The following TOMM70 variants were observed in gnomAD, a reference collection of about 807,000 sequenced individuals.
The protein encoded by TOMM70 is translocase of outer mitochondrial membrane 70.
A neutral mutation model predicts 73.6 loss-of-function variants in TOMM70; 13 were observed. The ratio of observed to expected loss-of-function variants is 0.18; its 90% CI spans 0.11 to 0.28. The LOEUF (loss-of-function observed/expected upper bound fraction) is 0.28, where lower values mean the gene tolerates loss of function less well. TOMM70 is among the 10% of genes least tolerant of loss of function. The probability of loss-of-function intolerance (pLI) is 1.00; values close to 1 mark genes in which losing one functional copy is unlikely to be tolerated. For missense variants in TOMM70, 609 were observed against 747.5 expected (o/e 0.81, Z 2.16); for synonymous variants, 257 against 271.2 (o/e 0.95, Z 0.51).
At chr3:100,378,673 G>A (rs1341011960) in intron 5 of TOMM70, among the ~76,000 whole-genome samples, 1 of 152,182 alleles carries the variant, frequency 6.6e-6, no homozygotes, top group Non-Finnish European at 1.5e-5. Flanking sequence ...TAGAGTCACA[G>A]AAGCTAAGGC....
rs182486501 is a variant in TOMM70, at chr3:100,391,135, C to T, written c.325-4157G>A. Among the ~76,000 whole-genome samples, 1,168 of 151,142 alleles carry T rather than the reference C, an allele frequency of 7.7e-3. 39 individuals are homozygous for T. The highest frequency in any genetic ancestry group is 0.044 in the Admixed American group (674 of 15,214). ...CATCCTGGGCAACAGAGTAAGACTC[C>T]GTCTCAAAAAAAAAAGTATAGCAAA... On this transcript the variant is annotated intron_variant, in intron 1 of 11. Transcript: ENST00000284320.
At chr3:100,380,375 A>C (rs535188833) in intron 5 of TOMM70, among the ~76,000 whole-genome samples, 1 of 152,130 alleles carries the variant, frequency 6.6e-6, no homozygotes, top group South Asian at 2.1e-4. Context: ...AAACACAAAC[A>C]ATGATTAAAT....
At chr3:100,384,350 G>C in intron 4 of TOMM70, 129 bp downstream of exon 4, 1 of 558,984 alleles carries the variant, frequency 1.8e-6, no homozygotes, top group Non-Finnish European at 3.1e-6. Flanking sequence ...ACAGGAAGAA[G>C]AAATATAACC....
intron 1 of TOMM70, among the ~76,000 whole-genome samples, chr3:100,389,819 A>ATT (rs1706738684): frequency 1.3e-5 from 2 of 152,086 alleles, no homozygotes; most frequent in Admixed American, 1.3e-4. Flanking sequence ...AGGCGGGTGG[A>ATT]TTACCTCAGG....
intron 1 of TOMM70, among the ~76,000 whole-genome samples, chr3:100,389,333 A>C (rs753671018): frequency 5.9e-5 from 9 of 152,254 alleles, no homozygotes; most frequent in Admixed American, 1.3e-4. Flanking sequence ...ATAAACCCCC[A>C]AATAGGGAAA....
At chr3:100,375,809 C>T (rs921681474) in intron 6 of TOMM70, among the ~76,000 whole-genome samples, 2 of 152,112 alleles carry the variant, frequency 1.3e-5, no homozygotes, top group African/African-American at 4.8e-5. Context: ...GCTGGGATTA[C>T]AGGTGTGAGC....
chr3:100,374,269 C>T (rs570839981), intron 7 of TOMM70, among the ~76,000 whole-genome samples: 1 of 152,302 alleles, frequency 6.6e-6, no homozygotes, highest in South Asian at 2.1e-4. Flanking sequence ...TTAGGAGCAA[C>T]AGGCTACAAC....
At chr3:100,378,875 C>T (rs1196315329) in intron 5 of TOMM70, among the ~76,000 whole-genome samples, 2 of 151,976 alleles carry the variant, frequency 1.3e-5, no homozygotes, top group East Asian at 3.9e-4. Flanking sequence ...GGCGTGGTGG[C>T]GGGTGCCTAT....
At chr3:100,379,735 G>A (rs1706608876) in intron 5 of TOMM70, among the ~76,000 whole-genome samples, 1 of 152,058 alleles carries the variant, frequency 6.6e-6, no homozygotes, top group Non-Finnish European at 1.5e-5. Context: ...TCCCACCTCA[G>A]CCTCCCCAGT....
chr3:100,392,264 C>A (rs1706771918), intron 1 of TOMM70, among the ~76,000 whole-genome samples: 1 of 151,976 alleles, frequency 6.6e-6, no homozygotes. Context: ...AGCCAACAAG[C>A]AGAAAATTAT....
In TOMM70 at chr3:100,400,681, G is replaced by A; in HGVS notation, c.269C>T (p.Ala90Val). ...NSERKTPEGRASPAPGSGHPE... is the reference protein window; with the variant it reads ...NSERKTPEGRVSPAPGSGHPE... ...GTGTCCGCTGCCCGGGGCCGGACTG[G>A]CCCTGCCCTCCGGGGTCTTCCGTTC... is the stretch of plus-strand genomic sequence containing the variant. The change falls in exon 1 of 12, where the codon GCC becomes GTC. Residue 90 changes from alanine (A) to valine (V), a missense_variant. Ala to Val is a moderately conservative substitution (Grantham distance 64, BLOSUM62 0). Coordinates refer to ENST00000284320, the MANE Select transcript of TOMM70 (RefSeq NM_014820.5). 1 of 1,612,198 alleles carries A rather than the reference G, an allele frequency of 6.2e-7. No homozygotes were observed. Among genetic ancestry groups the A allele is most frequent in the East Asian group, 2.2e-5 (1 of 44,824 alleles).
chr3:100,400,460 ACT>A (rs1706881920), intron 1 of TOMM70, among the ~76,000 whole-genome samples, 164 bp downstream of exon 1: 1 of 152,150 alleles, frequency 6.6e-6, no homozygotes, highest in Admixed American at 6.5e-5. Context: ...TCATCGAGCT[ACT>A]CTATGCCCTC....
Position 100,365,715 on chromosome 3 carries a change from C to T in TOMM70, c.1676G>A (p.Gly559Glu). The change falls in exon 12 of 12, where the codon GGA (glycine) becomes GAA (glutamate). Residue 559 changes from glycine (G) to glutamate (E), a missense_variant and splice_region_variant. Physicochemically the swap from Gly to Glu is moderately conservative, Grantham distance 98. This residue lies in a region of TOMM70 where 432 missense variants were observed against 584.1 expected (regional missense o/e 0.74). Transcript: ENST00000284320. ...ETMGTIEVQR[G>E]NMEKAIDMFN... ...CATGTCAATGGCTTTCTCCATGTTT[C>T]CTCTAAAAGAACAAAATTTTTAAGT... 6.2e-7 allele frequency: 1 copy of T among 1,613,846 alleles called. No individual in the cohort carries two copies.
intron 4 of TOMM70, 106 bp downstream of exon 4, chr3:100,384,373 C>T (rs1449576230): frequency 8.4e-5 from 56 of 669,488 alleles, no homozygotes; most frequent in East Asian, 2.7e-5. Context: ...GTTCTAATTG[C>T]AGTTGTTGCC....
chr3:100,395,246 G>A (rs1706809841), intron 1 of TOMM70, among the ~76,000 whole-genome samples: 3 of 152,146 alleles, frequency 2.0e-5, no homozygotes, highest in African/African-American at 7.2e-5. Flanking sequence ...GCACTCGCCT[G>A]TAATCCCAGC....
At chr3:100,376,494 G>A (rs1266085872) in intron 6 of TOMM70, among the ~76,000 whole-genome samples, 1 of 151,008 alleles carries the variant, frequency 6.6e-6, no homozygotes, top group East Asian at 2.0e-4. Context: ...CTCCTGAGTA[G>A]CTATGACTAC....
rs58081220 is a variant in TOMM70, at chr3:100,373,142, T to TAA, written c.1335+394_1335+395dup. Among the ~76,000 whole-genome samples the TAA allele has an allele frequency of 8.3e-3, 1,116 of 135,052 alleles. 13 individuals are homozygous for TAA. The highest frequency in any genetic ancestry group is 0.027 in the African/African-American group (1,041 of 38,110). 88.6% of individuals were successfully genotyped at this position (135,052 alleles called of 152,430 possible). The stretch of plus-strand genomic sequence containing the variant: ...TTATTTTACTAGAAAAATTTTTACT[T>TAA]AAAAAAAAAAAAAAAACAACCTTTT... On this transcript the variant is annotated intron_variant, in intron 8 of 11. Coordinates refer to ENST00000284320, the MANE Select transcript of TOMM70 (RefSeq NM_014820.5).
At chr3:100,389,976 G>A (rs532479873) in intron 1 of TOMM70, among the ~76,000 whole-genome samples, 1 of 151,562 alleles carries the variant, frequency 6.6e-6, no homozygotes, top group South Asian at 2.1e-4. Context: ...GGAGGCGGAG[G>A]TTGCAGTGAG....
Position 100,377,423 on chromosome 3 carries a change from A to C in TOMM70, c.1092+282T>G, listed in dbSNP as rs1576212742. 11 of 349,772 alleles carry C rather than the reference A, an allele frequency of 3.1e-5. No homozygotes were observed. In the East Asian group the frequency reaches 6.3e-4, roughly 20 times the overall value. The allele number at this position is 349,772 out of a possible 1,614,324, so 21.7% of individuals were successfully genotyped here. ...TTGCATATCACCTTTACCACTGCCCAAATACAGTCCAATATGGTAGGCAGT... is the reference window on the plus strand; with the variant it reads ...TTGCATATCACCTTTACCACTGCCCCAATACAGTCCAATATGGTAGGCAGT... On this transcript the variant is annotated intron_variant, in intron 6 of 11. Coordinates refer to ENST00000284320, the MANE Select transcript of TOMM70 (RefSeq NM_014820.5).
Sources: gnomAD v4.1 joint callset for allele counts (sites outside exome capture counted in the v4.1 genomes callset) on GRCh38, gnomAD v4.1.1 for gene constraint, gnomAD v4.1.1 regional missense constraint, MANE v1.5 for transcripts, NCBI Gene and HGNC (gene_info 2026-07-23, HGNC 2026-07-21) for gene names.